The following CDC37L1 variants were observed in gnomAD, a reference collection of about 807,000 sequenced individuals.
The protein encoded by CDC37L1 is cell division cycle 37 like 1, HSP90 cochaperone.
CDC37L1 carries 32 observed loss-of-function variants against 45.9 expected under a neutral mutation model. That is an observed-to-expected ratio of 0.70 (90% CI 0.53 to 0.94). The LOEUF (loss-of-function observed/expected upper bound fraction) is 0.94, where lower values mean the gene tolerates loss of function less well. Among genes scored for constraint, CDC37L1 ranks in the 40% least tolerant of loss-of-function variants. The probability of loss-of-function intolerance (pLI) is 0.00; values close to 1 mark genes in which losing one functional copy is unlikely to be tolerated. For synonymous variants in CDC37L1, 150 were observed against 133.0 expected (o/e 1.13, Z -0.88); for missense variants, 434 against 405.7 (o/e 1.07, Z -0.60).
In CDC37L1 at chr9:4,703,381, G is replaced by C. The variant is rs539813794; in HGVS notation, c.912+1353G>C. On this transcript the variant is annotated intron_variant, in intron 6 of 6. Transcript: ENST00000381854. Reference sequence around the variant, plus strand: ...GAAAAAAAAAAAAAAAAGTCTCAAGGATGGAAATAATTAATGTTTGATTTT... The same window carrying C: ...GAAAAAAAAAAAAAAAAGTCTCAAGCATGGAAATAATTAATGTTTGATTTT... Among the ~76,000 whole-genome samples, 3 of 150,122 alleles carry C rather than the reference G, an allele frequency of 2.0e-5. No homozygotes were observed. In the East Asian group the frequency reaches 5.8e-4, roughly 29 times the overall value.
At chr9:4,703,355 T>TG (rs1841417139) in intron 6 of CDC37L1, 1 of 291,664 alleles carries the variant, frequency 3.4e-6, no homozygotes, top group South Asian at 2.0e-4. Context: ...CTACTCTGGC[T>TG]GAAAAAAAAA....
chr9:4,704,385 A>C (rs1444368325), intron 6 of CDC37L1, among the ~76,000 whole-genome samples: 2 of 152,244 alleles, frequency 1.3e-5, no homozygotes, highest in Non-Finnish European at 2.9e-5. Context: ...GAATGTTACT[A>C]GATGAAAATA....
chr9:4,690,261 G>C (rs1347710138), intron 3 of CDC37L1, among the ~76,000 whole-genome samples: 4 of 152,286 alleles, frequency 2.6e-5, no homozygotes, highest in South Asian at 2.1e-4. Context: ...ATGTATTACT[G>C]ATTAGAAGCA....
intron 1 of CDC37L1, among the ~76,000 whole-genome samples, chr9:4,680,982 C>G (rs1484412490): frequency 6.6e-6 from 1 of 152,146 alleles, no homozygotes. Flanking sequence ...CTTTGGCCAG[C>G]TAAGTCACTG....
chr9:4,686,456 G>T (rs1246022130), intron 2 of CDC37L1, among the ~76,000 whole-genome samples: 1 of 152,116 alleles, frequency 6.6e-6, no homozygotes, highest in Non-Finnish European at 1.5e-5. Context: ...GGTGCATCTT[G>T]TGTTATTTTC....
At position 4,684,576 on chromosome 9, in the gene CDC37L1, G is replaced by T. The variant is rs371129854; in HGVS notation, c.133-301G>T. On this transcript the variant is annotated intron_variant, in intron 1 of 6. Transcript: ENST00000381854. The stretch of plus-strand genomic sequence containing the variant: ...TGTTCTCATTATTCTGCTTGTTCAG[G>T]ATTATGAAGACTATTAATTAAACGT... 3.3e-5 allele frequency among the ~76,000 whole-genome samples: 5 copies of T among 152,284 alleles called. No homozygotes were observed. The South Asian group carries it at 1.0e-3, about 32-fold the overall frequency.
Position 4,706,070 on chromosome 9 carries a change from A to G in CDC37L1, c.972A>G (p.Val324=), listed in dbSNP as rs1587625995. 5 of 1,605,598 alleles carry G rather than the reference A, an allele frequency of 3.1e-6. No individual in the cohort carries two copies. In the East Asian group the frequency reaches 8.9e-5, roughly 29 times the overall value. ...STALCSLNSV[V]HKEDDEPKMM... is the part of the protein sequence containing the mutation. ...CTCTCTGCAGCTTAAACTCGGTGGT[A>G]CATAAAGAAGATGATGAACCCAAAA... The change falls in exon 7 of 7, where the codon GTA becomes GTG. Residue 324 remains valine (V), a synonymous_variant. Coordinates refer to ENST00000381854, the MANE Select transcript of CDC37L1 (RefSeq NM_017913.4).
At chr9:4,687,633 T>G (rs949190295) in intron 2 of CDC37L1, among the ~76,000 whole-genome samples, 4 of 144,070 alleles carry the variant, frequency 2.8e-5, no homozygotes, top group Non-Finnish European at 5.9e-5. Flanking sequence ...GAGCTATGAT[T>G]GTGCCACTGT....
At chr9:4,699,062 C>G (rs936903858) in intron 5 of CDC37L1, among the ~76,000 whole-genome samples, 7 of 152,128 alleles carry the variant, frequency 4.6e-5, no homozygotes, top group African/African-American at 1.7e-4. Flanking sequence ...ACAGATACAA[C>G]TCACATAAAC....
At chr9:4,703,238 C>A in intron 6 of CDC37L1, 1 of 713,744 alleles carries the variant, frequency 1.4e-6, no homozygotes, top group Non-Finnish European at 2.0e-6. Context: ...GTGGCTTGAC[C>A]TTATCTCACT....
At chr9:4,698,064 G>A (rs1841364140) in intron 5 of CDC37L1, among the ~76,000 whole-genome samples, 185 bp downstream of exon 5, 1 of 152,096 alleles carries the variant, frequency 6.6e-6, no homozygotes, top group South Asian at 2.1e-4. Flanking sequence ...AGCTATATAA[G>A]AGGCTGTACT....
At chr9:4,680,571 A>G (rs569134882) in intron 1 of CDC37L1, among the ~76,000 whole-genome samples, 18 of 151,916 alleles carry the variant, frequency 1.2e-4, no homozygotes, top group African/African-American at 3.9e-4. Context: ...TGTGTTTTCA[A>G]TCCAGCATTC....
chr9:4,702,100 CTTT>C, intron 6 of CDC37L1, 72 bp downstream of exon 6: 2 of 529,574 alleles, frequency 3.8e-6, no homozygotes, highest in Non-Finnish European at 5.9e-6. Context: ...TTGCCCCACT[CTTT>C]TTTTTTTTTA....
At chr9:4,702,970 C>G in intron 6 of CDC37L1, 1 of 916,530 alleles carries the variant, frequency 1.1e-6, no homozygotes, top group Non-Finnish European at 1.5e-6. Context: ...ATGATCAGAC[C>G]ACTGGTCTGC....
At position 4,706,064 on chromosome 9, in the gene CDC37L1, G is replaced by A. The variant is rs143606829; in HGVS notation, c.966G>A (p.Ser322=). 4.2e-5 allele frequency: 68 copies of A among 1,607,102 alleles called. No homozygotes were observed. The African/African-American group carries it at 4.7e-4, about 11-fold the overall frequency. ...SISTALCSLN[S]VVHKEDDEPK... ...GTACAGCTCTCTGCAGCTTAAACTC[G>A]GTGGTACATAAAGAAGATGATGAAC... The change falls in exon 7 of 7, where the codon TCG becomes TCA. Residue 322 remains serine (S), a synonymous_variant. Transcript: ENST00000381854.
chr9:4,698,965 T>C (rs1344101285), intron 5 of CDC37L1, among the ~76,000 whole-genome samples: 1 of 152,142 alleles, frequency 6.6e-6, no homozygotes, highest in East Asian at 1.9e-4. Flanking sequence ...AAAAATGTTA[T>C]TAATGGTAGT....
chr9:4,704,286 A>C (rs1841424181), intron 6 of CDC37L1, among the ~76,000 whole-genome samples: 1 of 152,188 alleles, frequency 6.6e-6, no homozygotes, highest in African/African-American at 2.4e-5. Context: ...CAACACAATA[A>C]GTGATGAATC....
chr9:4,689,765 C>A (rs1164894908), intron 3 of CDC37L1, among the ~76,000 whole-genome samples: 1 of 152,154 alleles, frequency 6.6e-6, no homozygotes, highest in Non-Finnish European at 1.5e-5. Context: ...AAAATTTGCA[C>A]ATGAATCTTA....
At position 4,684,285 on chromosome 9, in the gene CDC37L1, A is replaced by C. The variant is rs3780398; in HGVS notation, c.133-592A>C. 5.0e-4 allele frequency among the ~76,000 whole-genome samples: 75 copies of C among 151,470 alleles called. 2 individuals are homozygous for C. The East Asian group carries it at 0.014, about 28-fold the overall frequency. On this transcript the variant is annotated intron_variant, in intron 1 of 6. Transcript: ENST00000381854. ...GTGACAGAGCAAGACTCCATCACAAAATATATATATATATAATTTGCCTAT... is the reference window on the plus strand; with the variant it reads ...GTGACAGAGCAAGACTCCATCACAACATATATATATATATAATTTGCCTAT...
Sources: gnomAD v4.1 joint callset for allele counts (sites outside exome capture counted in the v4.1 genomes callset) on GRCh38, gnomAD v4.1.1 for gene constraint, MANE v1.5 for transcripts, NCBI Gene and HGNC (gene_info 2026-07-23, HGNC 2026-07-21) for gene names.